NEBL: variants seen among roughly 807,000 people sequenced by gnomAD.
NEBL encodes the protein nebulette.
Under a neutral mutation model 140.2 loss-of-function variants are expected in NEBL, and 122 were observed. The ratio of observed to expected loss-of-function variants is 0.87; its 90% CI spans 0.75 to 1.01. The LOEUF (loss-of-function observed/expected upper bound fraction) is 1.01. NEBL is among the 50% of genes least tolerant of loss of function. The pLI is 0.00. For missense variants in NEBL, 1,365 were observed against 1,231.3 expected (o/e 1.11, Z -1.62); for synonymous variants, 436 against 398.9 (o/e 1.09, Z -1.11).
chr10:21,058,338 A>C (rs1248723117), intron 2 of NEBL, among the ~76,000 whole-genome samples: 1 of 152,244 alleles, frequency 6.6e-6, no homozygotes, highest in East Asian at 1.9e-4. Flanking sequence ...GCTTTAAGCT[A>C]AACTTGGCAT....
At chr10:21,232,958 G>A (rs1055791904) in intron 3 of NEBL, among the ~76,000 whole-genome samples, 23 of 152,180 alleles carry the variant, frequency 1.5e-4, no homozygotes, top group Non-Finnish European at 2.9e-4. Flanking sequence ...CAATCTCAGG[G>A]TATAGTTTGA....
chr10:21,224,880 T>C (rs1214920231), intron 3 of NEBL, among the ~76,000 whole-genome samples: 1 of 152,216 alleles, frequency 6.6e-6, no homozygotes, highest in Non-Finnish European at 1.5e-5. Flanking sequence ...TAAATTTGTT[T>C]ATCATCTCCA....
chr10:20,866,108 T>C (rs894202764), intron 7 of NEBL, among the ~76,000 whole-genome samples: 6 of 152,126 alleles, frequency 3.9e-5, no homozygotes, highest in Non-Finnish European at 7.3e-5. Flanking sequence ...TGGCAAAAAG[T>C]AGTTCTGATG....
chr10:21,078,019 T>A (rs1170649275), intron 2 of NEBL, among the ~76,000 whole-genome samples: 1 of 152,202 alleles, frequency 6.6e-6, no homozygotes, highest in Admixed American at 6.5e-5. Flanking sequence ...AGAGCACGGA[T>A]TGACTCTCAA....
intron 20 of NEBL, 181 bp downstream of exon 20, chr10:20,819,243 G>A: frequency 9.3e-7 from 1 of 1,072,380 alleles, no homozygotes; most frequent in Non-Finnish European, 1.3e-6. Context: ...ACAGGCTCCG[G>A]TGTCTGTTAT....
chr10:21,118,188 A>G (rs1006211120), intron 2 of NEBL, among the ~76,000 whole-genome samples: 4 of 152,142 alleles, frequency 2.6e-5, no homozygotes, highest in South Asian at 4.1e-4. Context: ...ATCAAGTTCA[A>G]TGCCTGACAG....
At chr10:21,139,420 C>G (rs1041871908) in intron 2 of NEBL, among the ~76,000 whole-genome samples, 1 of 152,126 alleles carries the variant, frequency 6.6e-6, no homozygotes, top group Admixed American at 6.5e-5. Flanking sequence ...GGATACCCTA[C>G]GTCCACTCAA....
chr10:21,262,744 A>C (rs1842755787), intron 1 of NEBL, among the ~76,000 whole-genome samples: 2 of 152,158 alleles, frequency 1.3e-5, no homozygotes, highest in Admixed American at 6.5e-5. Flanking sequence ...CTGGGGATGG[A>C]AGGCTGAACT....
At chr10:20,949,960 T>A (rs546066190) in intron 4 of NEBL, among the ~76,000 whole-genome samples, 53 of 152,334 alleles carry the variant, frequency 3.5e-4, no homozygotes, top group African/African-American at 1.2e-3. Flanking sequence ...AATGATTCAG[T>A]GAAGTTTTTA....
chr10:20,838,581 G>A (rs1841117044), intron 13 of NEBL, among the ~76,000 whole-genome samples: 1 of 152,206 alleles, frequency 6.6e-6, no homozygotes, highest in Non-Finnish European at 1.5e-5. Flanking sequence ...CAATGGGTTT[G>A]AGAGGTTGGT....
intron 3 of NEBL, among the ~76,000 whole-genome samples, chr10:21,241,731 G>A (rs183158358): frequency 1.7e-4 from 26 of 152,248 alleles, no homozygotes; most frequent in Admixed American, 5.2e-4. Flanking sequence ...GCCACCACCC[G>A]GGCATTTGAG....
chr10:21,005,909 C>A (rs975816409), intron 3 of NEBL, among the ~76,000 whole-genome samples: 1 of 151,314 alleles, frequency 6.6e-6, no homozygotes, highest in Non-Finnish European at 1.5e-5. Context: ...CCCCAAGAAC[C>A]AATGTTAGTA....
chr10:21,022,420 G>A (rs377675186), intron 2 of NEBL, among the ~76,000 whole-genome samples: 17 of 152,174 alleles, frequency 1.1e-4, no homozygotes, highest in South Asian at 2.1e-4. Context: ...TAGCACTTGC[G>A]AAATAAAGAT....
chr10:21,135,373 T>A (rs1240285961), intron 2 of NEBL, among the ~76,000 whole-genome samples: 1 of 152,098 alleles, frequency 6.6e-6, no homozygotes, highest in African/African-American at 2.4e-5. Flanking sequence ...AAAGGGCTGT[T>A]TGAAGATCTA....
At chr10:20,956,438 G>A (rs1244714484) in intron 4 of NEBL, among the ~76,000 whole-genome samples, 1 of 152,080 alleles carries the variant, frequency 6.6e-6, no homozygotes, top group African/African-American at 2.4e-5. Context: ...GAATTCATCA[G>A]TTATTGGTTG....
chr10:20,991,720 GA>G (rs1371693924), intron 3 of NEBL, among the ~76,000 whole-genome samples: 1 of 151,570 alleles, frequency 6.6e-6, no homozygotes, highest in Admixed American at 6.6e-5. Flanking sequence ...CCCAGGTAGT[GA>G]ACATAGTACC....
chr10:21,169,424 C>G (rs369156794), intron 2 of NEBL, among the ~76,000 whole-genome samples: 1 of 152,016 alleles, frequency 6.6e-6, no homozygotes, highest in Non-Finnish European at 1.5e-5. Flanking sequence ...GAAATTATGG[C>G]GGCCCTCTGG....
rs113644293 is a variant in NEBL at position 21,070,629 on chromosome 10, T to TA, written c.165-50429dup. ...CACATCCCTGAAACCAAGACACACT[T>TA]AAAAAAAAATTACTCTGAACATTAA... On this transcript the variant is annotated intron_variant, in intron 2 of 6. Transcript: ENST00000417816. Among the ~76,000 whole-genome samples, 10 of 151,448 alleles carry TA rather than the reference T, an allele frequency of 6.6e-5. 1 individual carries two copies. The highest frequency in any genetic ancestry group is 2.2e-4 in the African/African-American group (9 of 41,268).
chr10:21,031,114 G>A (rs750209642), intron 2 of NEBL, among the ~76,000 whole-genome samples: 1 of 152,242 alleles, frequency 6.6e-6, no homozygotes, highest in Non-Finnish European at 1.5e-5. Context: ...TGTCCCATCT[G>A]AGTTAGCTTC....
Sources: gnomAD v4.1 joint callset for allele counts (sites outside exome capture counted in the v4.1 genomes callset) on GRCh38, gnomAD v4.1.1 for gene constraint, MANE v1.5 for transcripts, NCBI Gene and HGNC (gene_info 2026-07-23, HGNC 2026-07-21) for gene names.